The following KCTD1 variants were observed in gnomAD, a reference collection of about 807,000 sequenced individuals.
The protein encoded by KCTD1 is BTB/POZ domain-containing protein KCTD1.
Under a neutral mutation model 66.0 loss-of-function variants are expected in KCTD1, and 24 were observed. That is an observed-to-expected ratio of 0.36 (90% CI 0.26 to 0.51). The LOEUF is 0.51. Ranked by LOEUF, KCTD1 falls within the 20% of genes least tolerant of loss-of-function variation. KCTD1 has a pLI of 0.95. For missense variants in KCTD1, 943 were observed against 1,205.2 expected (o/e 0.78, Z 3.22); for synonymous variants, 511 against 517.2 (o/e 0.99, Z 0.16).
chr18:26,549,899 G>A (rs968352752), upstream of KCTD1: 14 of 733,662 alleles, frequency 1.9e-5, no homozygotes, highest in African/African-American at 2.3e-4. Context: ...GCGCGCCCAG[G>A]CTCCGGGCGC....
upstream of KCTD1, chr18:26,549,730 CAA>C (rs1471471630): frequency 1.0e-6 from 1 of 985,304 alleles, no homozygotes; most frequent in Non-Finnish European, 1.2e-6. Flanking sequence ...CACTCTCACT[CAA>C]AGTTTGCCAA....
At position 26,464,440 on chromosome 18, in the gene KCTD1, C is replaced by G. The variant is rs73399503; in HGVS notation, c.2134-4515G>C. On this transcript the variant is annotated intron_variant, in intron 3 of 4. Coordinates refer to ENST00000580059, the MANE Select transcript of KCTD1 (RefSeq NM_001142730.3). ...AATCCTCCCATCTCAAGACCCTTAA[C>G]TTAATCACATCTGCAAAGTCCCCTT... is the stretch of plus-strand genomic sequence containing the variant. Among the ~76,000 whole-genome samples, 647 of 152,352 alleles carry G rather than the reference C, an allele frequency of 4.2e-3. 5 individuals are homozygous for G. The highest frequency in any genetic ancestry group is 0.015 in the African/African-American group (621 of 41,580).
At chr18:26,462,085 CA>C (rs1207417098) in intron 3 of KCTD1, among the ~76,000 whole-genome samples, 2 of 152,200 alleles carry the variant, frequency 1.3e-5, no homozygotes, top group East Asian at 3.9e-4. Context: ...GAGTTCTCAC[CA>C]TCTTTTCTTC....
At chr18:26,548,881 C>G (rs1055566811), upstream of KCTD1, 2 of 999,264 alleles carry the variant, frequency 2.0e-6, no homozygotes, top group African/African-American at 1.7e-5. Flanking sequence ...GCGAAACACT[C>G]CCAACTTACC....
At chr18:26,514,210 G>A (rs1983510152) in intron 1 of KCTD1, among the ~76,000 whole-genome samples, 1 of 152,134 alleles carries the variant, frequency 6.6e-6, no homozygotes, top group Non-Finnish European at 1.5e-5. Flanking sequence ...CAGAATCGGT[G>A]CCAAGTTTTC....
At chr18:26,588,800 T>A (rs535344732) in intron 1 of KCTD1, among the ~76,000 whole-genome samples, 6 of 151,590 alleles carry the variant, frequency 4.0e-5, no homozygotes, top group Admixed American at 3.3e-4. Context: ...ACTGGAGACA[T>A]CATCCAATCC....
chr18:26,592,774 C>T (rs1231890100), intron 1 of KCTD1, among the ~76,000 whole-genome samples: 4 of 152,194 alleles, frequency 2.6e-5, no homozygotes, highest in Admixed American at 6.5e-5. Flanking sequence ...TCTTATGTCC[C>T]TGGAAGCAGC....
intron 2 of KCTD1, among the ~76,000 whole-genome samples, chr18:26,493,611 G>A (rs530837812): frequency 1.3e-5 from 2 of 152,272 alleles, no homozygotes; most frequent in South Asian, 4.1e-4. Context: ...GGGTACATGA[G>A]ATACTTTGAA....
chr18:26,647,536 A>AAAAAAAAAAAAAAAAAAAAAAC, intron 1 of KCTD1, among the ~76,000 whole-genome samples: 1 of 139,310 alleles, frequency 7.2e-6, no homozygotes. Flanking sequence ...AAAAAAAAAA[A>AAAAAAAAAAAAAAAAAAAAAAC]AAAAAAAAAA....
intron 1 of KCTD1, among the ~76,000 whole-genome samples, chr18:26,639,655 T>G (rs1377412644): frequency 6.6e-6 from 1 of 152,206 alleles, no homozygotes; most frequent in Non-Finnish European, 1.5e-5. Flanking sequence ...TCGTAGTTAT[T>G]GTGTAATGGG....
intron 1 of KCTD1, among the ~76,000 whole-genome samples, chr18:26,616,251 T>TGATA (rs1170375239): frequency 1.3e-5 from 2 of 151,834 alleles, no homozygotes; most frequent in African/African-American, 2.4e-5. Context: ...ATTGATTGAT[T>TGATA]GATAGATTGA....
At chr18:26,607,726 C>T (rs919396717) in intron 1 of KCTD1, among the ~76,000 whole-genome samples, 4 of 152,128 alleles carry the variant, frequency 2.6e-5, no homozygotes, top group African/African-American at 7.2e-5. Context: ...CCGTATTGAA[C>T]AGTCATGTTA....
intron 2 of KCTD1, among the ~76,000 whole-genome samples, chr18:26,483,268 TTC>T (rs1418513367): frequency 1.3e-5 from 2 of 152,150 alleles, no homozygotes; most frequent in African/African-American, 4.8e-5. Context: ...TTTCTTTCTT[TTC>T]TTTTTTCTTT....
At chr18:26,525,877 G>C (rs1213853292) in intron 1 of KCTD1, among the ~76,000 whole-genome samples, 1 of 152,082 alleles carries the variant, frequency 6.6e-6, no homozygotes, top group Non-Finnish European at 1.5e-5. Context: ...ATGAGCCACT[G>C]TGCTCAGCAT....
At chr18:26,590,677 A>G (rs1042681297) in intron 1 of KCTD1, among the ~76,000 whole-genome samples, 2 of 152,088 alleles carry the variant, frequency 1.3e-5, no homozygotes, top group African/African-American at 4.8e-5. Context: ...ACATGATGCA[A>G]CTGCAAATAT....
intron 1 of KCTD1, among the ~76,000 whole-genome samples, chr18:26,553,804 A>G (rs1053682388): frequency 2.0e-5 from 3 of 148,874 alleles, no homozygotes; most frequent in African/African-American, 7.4e-5. Flanking sequence ...GATAGCAAAC[A>G]AGAAAACTAA....
intron 1 of KCTD1, among the ~76,000 whole-genome samples, chr18:26,591,053 T>G (rs988622478): frequency 6.6e-6 from 1 of 152,150 alleles, no homozygotes; most frequent in African/African-American, 2.4e-5. Context: ...TTTTTTTCAA[T>G]TGAGTCAGGG....
upstream of KCTD1, among the ~76,000 whole-genome samples, chr18:26,630,450 G>A (rs1987595029): frequency 6.6e-6 from 1 of 152,058 alleles, no homozygotes; most frequent in Non-Finnish European, 1.5e-5. Context: ...TGAGTAGCTA[G>A]GACTATAGGC....
intron 1 of KCTD1, among the ~76,000 whole-genome samples, chr18:26,603,568 C>T (rs932648459): frequency 6.6e-6 from 1 of 151,954 alleles, no homozygotes; most frequent in South Asian, 2.1e-4. Flanking sequence ...TATGATGAAA[C>T]CCCGCCTCAA....
Sources: allele counts gnomAD v4.1 joint callset (sites outside exome capture counted in the v4.1 genomes callset), GRCh38; gene constraint gnomAD v4.1.1; transcripts MANE v1.5; gene names NCBI Gene and HGNC (gene_info 2026-07-23, HGNC 2026-07-21).